The following CHRM3 variants were observed in gnomAD, a reference collection of about 807,000 sequenced individuals.
CHRM3 encodes the protein cholinergic receptor muscarinic 3.
In CHRM3, 11 loss-of-function variants were observed where a neutral mutation model predicts 41.8. The observed-to-expected ratio is 0.26, with a 90% confidence interval of 0.17 to 0.44. The LOEUF (loss-of-function observed/expected upper bound fraction) is 0.44, where lower values mean the gene tolerates loss of function less well. Ranked by LOEUF, CHRM3 falls within the 20% of genes least tolerant of loss-of-function variation. The pLI is 1.00. For synonymous variants in CHRM3, 297 were observed against 301.4 expected (o/e 0.99, Z 0.15); for missense variants, 571 against 745.4 (o/e 0.77, Z 2.72).
rs111453952 is a variant in CHRM3 at position 239,534,839 on chromosome 1, T to C, written c.-421-10802T>C. On this transcript the variant is annotated intron_variant, in intron 2 of 6. Coordinates refer to ENST00000676153, the MANE Select transcript of CHRM3 (RefSeq NM_001375978.1). ...AATAATAAAAATGATAATTTAACTT[T>C]GATTTTAGTAAGGTTATCATTAAAT... Among the ~76,000 whole-genome samples the C allele has an allele frequency of 8.6e-4, 131 of 152,358 alleles. 2 individuals are homozygous for C. Among genetic ancestry groups the C allele is most frequent in the African/African-American group, 3.1e-3 (129 of 41,594 alleles).
chr1:239,708,692 T>C (rs148472295), intron 5 of CHRM3, among the ~76,000 whole-genome samples: 1,967 of 151,702 alleles, frequency 0.013, 20 homozygotes, highest in Non-Finnish European at 0.02. Flanking sequence ...TTGCCAAAGT[T>C]ACTGTTCTAT....
At chr1:239,779,834 C>T (rs1035709924) in intron 5 of CHRM3, among the ~76,000 whole-genome samples, 3 of 152,250 alleles carry the variant, frequency 2.0e-5, no homozygotes, top group Non-Finnish European at 4.4e-5. Flanking sequence ...GATCTTTTTA[C>T]TGTCTCCATA....
At chr1:239,414,841 C>T (rs1661373599) in intron 1 of CHRM3, among the ~76,000 whole-genome samples, 1 of 152,200 alleles carries the variant, frequency 6.6e-6, no homozygotes, top group African/African-American at 2.4e-5. Flanking sequence ...GGTAAAAATA[C>T]CAATATTAGC....
rs148978475 is a variant in CHRM3 at position 239,543,699 on chromosome 1, G to A, written c.-421-1942G>A. 2.6e-3 allele frequency among the ~76,000 whole-genome samples: 395 copies of A among 151,916 alleles called. 1 individual carries two copies. Among genetic ancestry groups the A allele is most frequent in the African/African-American group, 9.1e-3 (376 of 41,456 alleles). ...ATTTTTTTGTATTTTTGGTAGAGAC[G>A]GGGTTTCACCATGTTAGCCAGGATG... is the stretch of plus-strand genomic sequence containing the variant. On this transcript the variant is annotated intron_variant, in intron 2 of 6. Transcript: ENST00000676153.
At chr1:239,881,277 C>T (rs1270574943) in intron 6 of CHRM3, among the ~76,000 whole-genome samples, 3 of 15,344 alleles carry the variant, frequency 2.0e-4, no homozygotes, top group Middle Eastern at 0.1. Context: ...AGTGAGACTC[C>T]GTCTCAAAAA....
intron 5 of CHRM3, among the ~76,000 whole-genome samples, chr1:239,736,822 A>G (rs551757937): frequency 2.6e-5 from 4 of 152,342 alleles, no homozygotes; most frequent in Non-Finnish European, 5.9e-5. Flanking sequence ...GAATTTGCCT[A>G]TAAAAATGGC....
chr1:239,420,407 G>A (rs1397819499), intron 1 of CHRM3, among the ~76,000 whole-genome samples: 2 of 152,094 alleles, frequency 1.3e-5, no homozygotes, highest in Admixed American at 6.6e-5. Context: ...TGAGAAAGTC[G>A]GATTCCCTGA....
At chr1:239,608,638 A>C (rs1666637182) in intron 3 of CHRM3, among the ~76,000 whole-genome samples, 1 of 152,222 alleles carries the variant, frequency 6.6e-6, no homozygotes, top group Admixed American at 6.5e-5. Context: ...CCACCTTGCA[A>C]GTGCCATAGA....
intron 6 of CHRM3, among the ~76,000 whole-genome samples, chr1:239,894,683 C>G (rs1678846361): frequency 6.6e-6 from 1 of 152,056 alleles, no homozygotes; most frequent in Admixed American, 6.6e-5. Context: ...TCAGCCCACC[C>G]TGACCTCCCA....
intron 3 of CHRM3, among the ~76,000 whole-genome samples, chr1:239,556,533 A>G (rs543431172): frequency 9.2e-5 from 14 of 152,278 alleles, no homozygotes; most frequent in African/African-American, 3.4e-4. Context: ...AATTGTTGAC[A>G]AGAATTGTTG....
chr1:239,716,275 C>G (rs904545863), intron 5 of CHRM3, among the ~76,000 whole-genome samples: 2 of 151,992 alleles, frequency 1.3e-5, no homozygotes, highest in African/African-American at 4.8e-5. Context: ...AATACAAAGT[C>G]GGTAGAGTTG....
At chr1:239,775,038 C>A (rs1382147629) in intron 5 of CHRM3, among the ~76,000 whole-genome samples, 1 of 152,116 alleles carries the variant, frequency 6.6e-6, no homozygotes, top group Non-Finnish European at 1.5e-5. Context: ...TGAATTCAGT[C>A]TTTCTAGAGA....
At chr1:239,422,805 AAAAAC>A (rs1558212067) in intron 1 of CHRM3, among the ~76,000 whole-genome samples, 10 of 94,166 alleles carry the variant, frequency 1.1e-4, no homozygotes, top group African/African-American at 3.9e-4. Context: ...TAAAAAAAAC[AAAAAC>A]AAAAACAAAA....
At chr1:239,735,244 T>C (rs563683547) in intron 5 of CHRM3, among the ~76,000 whole-genome samples, 1 of 152,216 alleles carries the variant, frequency 6.6e-6, no homozygotes, top group South Asian at 2.1e-4. Context: ...AAATAGTTTC[T>C]ATCCCCACAT....
intron 5 of CHRM3, among the ~76,000 whole-genome samples, chr1:239,773,463 C>A (rs907412868): frequency 6.6e-6 from 1 of 152,170 alleles, no homozygotes; most frequent in Admixed American, 6.5e-5. Context: ...AGAGAACAGC[C>A]TCTTTCCATC....
At chr1:239,823,694 G>T (rs964558082) in intron 5 of CHRM3, among the ~76,000 whole-genome samples, 5 of 152,038 alleles carry the variant, frequency 3.3e-5, no homozygotes, top group African/African-American at 1.2e-4. Flanking sequence ...TTTCTCATCA[G>T]GAAGTGGTTT....
At chr1:239,701,788 G>A (rs1008260002) in intron 5 of CHRM3, among the ~76,000 whole-genome samples, 7 of 152,006 alleles carry the variant, frequency 4.6e-5, no homozygotes, top group African/African-American at 1.5e-4. Context: ...GACTCCGATC[G>A]CCGTAGGTAT....
intron 3 of CHRM3, among the ~76,000 whole-genome samples, chr1:239,618,777 G>A (rs1667998631): frequency 6.8e-6 from 1 of 147,608 alleles, no homozygotes; most frequent in Non-Finnish European, 1.5e-5. Flanking sequence ...CCGGGAGGCG[G>A]AGCTTGCAGT....
At chr1:239,831,752 G>A (rs1402726478) in intron 6 of CHRM3, among the ~76,000 whole-genome samples, 3 of 152,114 alleles carry the variant, frequency 2.0e-5, no homozygotes, top group Non-Finnish European at 4.4e-5. Flanking sequence ...ATGTGGGAGG[G>A]GAGGATCTTT....
Sources: gnomAD v4.1 joint callset for allele counts (sites outside exome capture counted in the v4.1 genomes callset) on GRCh38, gnomAD v4.1.1 for gene constraint, MANE v1.5 for transcripts, NCBI Gene and HGNC (gene_info 2026-07-23, HGNC 2026-07-21) for gene names.